The following BRSK2 variants were observed in gnomAD, a reference collection of about 807,000 sequenced individuals.
BRSK2 encodes the protein serine/threonine-protein kinase BRSK2.
Under a neutral mutation model 83.3 loss-of-function variants are expected in BRSK2, and 19 were observed. The observed-to-expected ratio is 0.23, with a 90% confidence interval of 0.16 to 0.33. BRSK2 has a LOEUF of 0.33. BRSK2 is among the 10% of genes least tolerant of loss of function. The probability of loss-of-function intolerance (pLI) is 1.00; values close to 1 mark genes in which losing one functional copy is unlikely to be tolerated. For missense variants in BRSK2, 798 were observed against 1,042.3 expected (o/e 0.77, Z 3.23); for synonymous variants, 519 against 435.4 (o/e 1.19, Z -2.39).
chr11:1,450,181 G>A (rs550568882), intron 13 of BRSK2, among the ~76,000 whole-genome samples: 5 of 151,618 alleles, frequency 3.3e-5, no homozygotes, highest in South Asian at 4.2e-4. Flanking sequence ...TGTGCCGCGC[G>A]GCTGCCCCCA....
chr11:1,407,094 T>A (rs1260252540), intron 1 of BRSK2, among the ~76,000 whole-genome samples: 2 of 152,086 alleles, frequency 1.3e-5, no homozygotes, highest in African/African-American at 4.8e-5. Context: ...TTGGTAGCCA[T>A]TCCCTGGGCT....
In BRSK2 at chr11:1,437,797, G is replaced by A. The variant is rs935887631; in HGVS notation, c.187-509G>A. On this transcript the variant is annotated intron_variant, in intron 2 of 19. Transcript: ENST00000528841. ...ATCCGACTGGCTGGGAGCCTGGGAG[G>A]CCTTATCTCCAACAGCTCCAGGCCC... 3.9e-5 allele frequency among the ~76,000 whole-genome samples: 6 copies of A among 152,212 alleles called. No individual in the cohort carries two copies. In the South Asian group the frequency reaches 6.2e-4, roughly 16 times the overall value.
chr11:1,417,849 A>T (rs1394725708), intron 1 of BRSK2, among the ~76,000 whole-genome samples: 9 of 129,318 alleles, frequency 7.0e-5, no homozygotes, highest in African/African-American at 2.1e-4. Context: ...TCTTCTCTTG[A>T]GAGTGGGTCA....
chr11:1,400,743 C>A (rs1390896192), intron 1 of BRSK2, among the ~76,000 whole-genome samples: 2 of 152,194 alleles, frequency 1.3e-5, no homozygotes, highest in Non-Finnish European at 2.9e-5. Flanking sequence ...TAGTGGAGGA[C>A]CTGCCGGCTC....
chr11:1,445,531 C>G (rs939760585), intron 10 of BRSK2, 40 bp from the exon 11 acceptor site: 2 of 1,600,606 alleles, frequency 1.2e-6, no homozygotes, highest in African/African-American at 2.7e-5. Context: ...AGCCGGCGGC[C>G]CCGTGTGCCA....
At chr11:1,419,155 G>C (rs10833663) in intron 1 of BRSK2, among the ~76,000 whole-genome samples, 1 of 139,092 alleles carries the variant, frequency 7.2e-6, no homozygotes. Context: ...TGGCGGGGGG[G>C]GCCTTTGCTC....
At chr11:1,458,650 G>A (rs1422528305) in intron 18 of BRSK2, among the ~76,000 whole-genome samples, 1 of 152,172 alleles carries the variant, frequency 6.6e-6, no homozygotes, top group Non-Finnish European at 1.5e-5. Flanking sequence ...CTGTGCAGGC[G>A]CCAGTGAGGG....
intron 1 of BRSK2, chr11:1,411,489 C>A (rs758615726): frequency 6.7e-7 from 1 of 1,485,204 alleles, no homozygotes; most frequent in Non-Finnish European, 8.9e-7. Context: ...CCCAAGAGAG[C>A]CCAGGTCTGG....
rs773836974 is a variant in BRSK2 at position 1,443,597 on chromosome 11, C to T, written c.742C>T (p.Arg248Trp). 34 of 1,608,682 alleles carry T rather than the reference C, an allele frequency of 2.1e-5. No homozygotes were observed. Among genetic ancestry groups the T allele is most frequent in the African/African-American group, 5.3e-5 (4 of 74,846 alleles). ...CCCGCCCGACTGCCAGAGTCTGCTACGGGGCATGATCGAGGTGGACGCCGC... is the reference window on the plus strand; with the variant it reads ...CCCGCCCGACTGCCAGAGTCTGCTATGGGGCATGATCGAGGTGGACGCCGC... ...FIPPDCQSLL[R>W]GMIEVDAARR... Residue 248 changes from arginine (R) to tryptophan (W), a missense_variant, in exon 8 of 20, where the codon CGG becomes TGG. Around this residue, in one of 6 missense-constraint regions of BRSK2, gnomAD observed 145 missense variants for 225.4 expected, o/e 0.64. Coordinates refer to ENST00000528841, the MANE Select transcript of BRSK2 (RefSeq NM_001256627.2).
intron 1 of BRSK2, among the ~76,000 whole-genome samples, chr11:1,415,094 C>CT (rs34102200): frequency 0.011 from 1,467 of 128,614 alleles, 23 homozygotes; most frequent in East Asian, 0.041. Flanking sequence ...CTGTCTTTAC[C>CT]TTTTTTTTTT....
At chr11:1,397,701 C>T (rs1378774258) in intron 1 of BRSK2, among the ~76,000 whole-genome samples, 1 of 152,240 alleles carries the variant, frequency 6.6e-6, no homozygotes, top group Non-Finnish European at 1.5e-5. Flanking sequence ...CGTTGGGTGC[C>T]ACGTCCTTGG....
chr11:1,415,094 CTT>C (rs34102200), intron 1 of BRSK2, among the ~76,000 whole-genome samples: 36 of 128,592 alleles, frequency 2.8e-4, no homozygotes, highest in Non-Finnish European at 3.7e-4. Context: ...CTGTCTTTAC[CTT>C]TTTTTTTTTT....
At position 1,450,172 on chromosome 11, in the gene BRSK2, GT is replaced by G. The variant is rs1845637278; in HGVS notation, c.1287+337del. Among the ~76,000 whole-genome samples the G allele has an allele frequency of 3.3e-5, 5 of 151,708 alleles. No homozygotes were observed. In the South Asian group the frequency reaches 1.0e-3, roughly 32 times the overall value. ...GTGCATGCGGGGGACTGGGGTGCAT[GT>G]GCCGCGCGGCTGCCCCCACCCCGCT... On this transcript the variant is annotated intron_variant, in intron 13 of 19. Coordinates refer to ENST00000528841, the MANE Select transcript of BRSK2 (RefSeq NM_001256627.2).
chr11:1,390,329 T>A lies in BRSK2; in HGVS notation c.45T>A (p.Tyr15Ter). ...ACGGCGGCGCGCAGCACGCGCAGTA[T>A]GTTGGGCCCTACCGGCTGGAGAAGA... Reference protein sequence around the residue: ...GKDGGAQHAQYVGPYRLEKTL... With the variant: ...GKDGGAQHAQ Residue 15 changes from tyrosine (Y) to a stop codon, truncating the protein, a stop_gained, in exon 1 of 20, where the codon TAT (tyrosine) becomes TAA (stop). Transcript: ENST00000528841. LOFTEE classifies it high-confidence loss of function. The surrounding 1 kb of genome is among the most constrained non-coding windows in gnomAD (Gnocchi z 6.8). 9.5e-7 allele frequency: 1 copy of A among 1,050,732 alleles called. No homozygotes were observed. The highest frequency in any genetic ancestry group is 1.2e-6 in the Non-Finnish European group (1 of 862,204). 65.1% of individuals were successfully genotyped at this position (1,050,732 alleles called of 1,614,324 possible).
At chr11:1,421,086 G>A (rs1202596595) in intron 1 of BRSK2, among the ~76,000 whole-genome samples, 1 of 152,300 alleles carries the variant, frequency 6.6e-6, no homozygotes, top group African/African-American at 2.4e-5. Flanking sequence ...TCTTTGGGCT[G>A]CCTGTGGGCT....
intron 1 of BRSK2, among the ~76,000 whole-genome samples, chr11:1,402,790 AC>A (rs534979286): frequency 2.1e-4 from 32 of 152,226 alleles, no homozygotes; most frequent in African/African-American, 7.2e-4. Flanking sequence ...GGGGCAGCTG[AC>A]ACACGGGGAG....
chr11:1,402,479 A>AC (rs1846545329), intron 1 of BRSK2, among the ~76,000 whole-genome samples: 1 of 152,172 alleles, frequency 6.6e-6, no homozygotes. Context: ...GCCTCCGGGG[A>AC]GGAGCATTGC....
Position 1,462,288 on chromosome 11 carries a change from A to T in BRSK2, c.*1565A>T, listed in dbSNP as rs1294028663. 1 of 152,196 alleles carries T rather than the reference A, an allele frequency of 6.6e-6. No homozygotes were observed. Among genetic ancestry groups the T allele is most frequent in the African/African-American group, 2.4e-5 (1 of 41,448 alleles). The allele number at this position is 152,196 out of a possible 1,614,324, so 9.4% of individuals were successfully genotyped here. A position where few individuals can be genotyped will look rare whatever the true frequency, so the allele number is the denominator to read the frequency against. Reference sequence around the variant, plus strand: ...GTGCCCAGCCCTCCCAGGCGGGCACAGCCCGGGTGCGGCGGCCGTGGGGGA... The same window carrying T: ...GTGCCCAGCCCTCCCAGGCGGGCACTGCCCGGGTGCGGCGGCCGTGGGGGA... On this transcript the variant is annotated 3_prime_UTR_variant, in exon 20 of 20. Coordinates refer to ENST00000528841, the MANE Select transcript of BRSK2 (RefSeq NM_001256627.2).
intron 1 of BRSK2, among the ~76,000 whole-genome samples, chr11:1,427,564 C>T (rs894218108): frequency 7.9e-5 from 12 of 152,184 alleles, no homozygotes; most frequent in African/African-American, 1.2e-4. Context: ...AGACCCAGCA[C>T]TCTTGGGCAC....
Sources: gnomAD v4.1 joint callset for allele counts (sites outside exome capture counted in the v4.1 genomes callset) on GRCh38, gnomAD v4.1.1 for gene constraint, gnomAD v4.1.1 regional missense constraint, Gnocchi (gnomAD v3.1) non-coding constraint, MANE v1.5 for transcripts, NCBI Gene and HGNC (gene_info 2026-07-23, HGNC 2026-07-21) for gene names.